SYT2: variants seen among roughly 807,000 people sequenced by gnomAD.
The protein encoded by SYT2 is synaptotagmin-2.
SYT2 carries 15 observed loss-of-function variants against 39.9 expected under a neutral mutation model. The observed-to-expected ratio is 0.38, with a 90% CI of 0.25 to 0.58. SYT2 has a LOEUF of 0.58. Among genes scored for constraint, SYT2 ranks in the 20% least tolerant of loss-of-function variants. SYT2 has a pLI of 0.70. For synonymous variants in SYT2, 181 were observed against 204.5 expected (o/e 0.89, Z 0.98); for missense variants, 389 against 530.3 (o/e 0.73, Z 2.62).
chr1:202,688,219 G>C (rs1653721924), intron 1 of SYT2, among the ~76,000 whole-genome samples: 1 of 152,204 alleles, frequency 6.6e-6, no homozygotes, highest in African/African-American at 2.4e-5. Context: ...CTGAGTCTCA[G>C]CTTCCTCATC....
intron 1 of SYT2, chr1:202,639,955 T>A: frequency 2.5e-6 from 1 of 405,676 alleles, no homozygotes; most frequent in Non-Finnish European, 3.3e-6. Flanking sequence ...TGTGCATTAG[T>A]CAATAACACA....
intron 1 of SYT2, among the ~76,000 whole-genome samples, chr1:202,642,894 C>T (rs1468566291): frequency 6.6e-6 from 1 of 152,262 alleles, no homozygotes; most frequent in Non-Finnish European, 1.5e-5. Flanking sequence ...GCCTTCGCTT[C>T]ACCGCAGGTC....
intron 1 of SYT2, among the ~76,000 whole-genome samples, chr1:202,640,293 A>G (rs7542658): frequency 0.41 from 58,079 of 140,274 alleles, 13,007 homozygotes; most frequent in African/African-American, 0.64. Flanking sequence ...CAGCAGGGTC[A>G]CGGACCAACA....
chr1:202,687,458 C>T (rs1653698114), intron 1 of SYT2, among the ~76,000 whole-genome samples: 1 of 152,076 alleles, frequency 6.6e-6, no homozygotes, highest in African/African-American at 2.4e-5. Context: ...TCTCTTCCTC[C>T]CCGCAGAACC....
Position 202,596,796 on chromosome 1 carries a change from A to C in SYT2, c.1221T>G (p.Pro407=). The stretch of plus-strand genomic sequence containing the variant: ...CCAGGAGTGCATCCACCTCCTCCTC[A>C]GGCTTGAGCGAGTGCCACTGGGCGA... ...RPIAQWHSLK[P]EEEVDALLGK... is the part of the protein sequence containing the mutation. Residue 407 remains proline, a synonymous_variant, in exon 9 of 9, where the codon CCT becomes CCG. Coordinates refer to ENST00000367268, the MANE Select transcript of SYT2 (RefSeq NM_177402.5). The C allele has an allele frequency of 6.2e-7, 1 of 1,614,132 alleles. No individual in the cohort carries two copies. Among genetic ancestry groups the C allele is most frequent in the South Asian group, 1.1e-5 (1 of 91,080 alleles).
At chr1:202,648,241 T>G (rs979758632) in intron 1 of SYT2, among the ~76,000 whole-genome samples, 2 of 152,208 alleles carry the variant, frequency 1.3e-5, no homozygotes, top group African/African-American at 2.4e-5. Flanking sequence ...AGTGCAGAGG[T>G]GTGATCTCGG....
intron 1 of SYT2, among the ~76,000 whole-genome samples, chr1:202,709,694 C>T (rs1163627479): frequency 6.6e-6 from 1 of 152,130 alleles, no homozygotes; most frequent in Non-Finnish European, 1.5e-5. Flanking sequence ...TCCTCGTGCC[C>T]GTTGCTTCCA....
At chr1:202,645,421 C>G (rs1423554426) in intron 1 of SYT2, among the ~76,000 whole-genome samples, 1 of 152,198 alleles carries the variant, frequency 6.6e-6, no homozygotes, top group Non-Finnish European at 1.5e-5. Context: ...AAATTTCATT[C>G]AGCAGGCTGG....
chr1:202,615,756 A>T (rs1310847617), intron 1 of SYT2, among the ~76,000 whole-genome samples: 1 of 152,018 alleles, frequency 6.6e-6, no homozygotes, highest in Admixed American at 6.5e-5. Context: ...CCCATCCCAC[A>T]GTCTTGGCAC....
At chr1:202,658,687 T>C (rs1692324399) in intron 1 of SYT2, among the ~76,000 whole-genome samples, 1 of 151,738 alleles carries the variant, frequency 6.6e-6, no homozygotes, top group African/African-American at 2.4e-5. Context: ...TTTTTTTTTT[T>C]TCCTAAAAGT....
chr1:202,710,025 G>A (rs1558469785), intron 1 of SYT2, among the ~76,000 whole-genome samples: 1 of 151,866 alleles, frequency 6.6e-6, no homozygotes. Context: ...TCCCTCAGAG[G>A]AGCCGGCTCC....
At chr1:202,679,296 C>T (rs1251411421) in intron 1 of SYT2, among the ~76,000 whole-genome samples, 1 of 152,174 alleles carries the variant, frequency 6.6e-6, no homozygotes, top group Non-Finnish European at 1.5e-5. Flanking sequence ...CTTGGGCCTC[C>T]CCTGAACACC....
intron 1 of SYT2, among the ~76,000 whole-genome samples, chr1:202,622,879 C>T (rs1356157603): frequency 6.6e-6 from 1 of 152,220 alleles, no homozygotes. Flanking sequence ...GGGACTCTTA[C>T]AGACAACGCA....
At chr1:202,675,544 A>G (rs1042356037) in intron 1 of SYT2, among the ~76,000 whole-genome samples, 2 of 152,168 alleles carry the variant, frequency 1.3e-5, no homozygotes, top group African/African-American at 4.8e-5. Context: ...TCAGGGACTC[A>G]GGGAAAGGCT....
In SYT2 at chr1:202,608,789, A is replaced by C. The variant is rs1232003687; in HGVS notation, c.-17-3000T>G. On this transcript the variant is annotated intron_variant, in intron 1 of 8. Coordinates refer to ENST00000367268, the MANE Select transcript of SYT2 (RefSeq NM_177402.5). ...ATAGGTATGGAATTGCTGGGTCATA[A>C]CTATGTTTGACATTTTAAGGTGCCA... Among the ~76,000 whole-genome samples the C allele has an allele frequency of 5.3e-4, 80 of 152,208 alleles. 1 individual carries two copies. The highest frequency in any genetic ancestry group is 1.7e-3 in the Admixed American group (26 of 15,288).
intron 1 of SYT2, among the ~76,000 whole-genome samples, chr1:202,644,912 C>T (rs1183027179): frequency 6.6e-6 from 1 of 152,208 alleles, no homozygotes; most frequent in Non-Finnish European, 1.5e-5. Flanking sequence ...ACCCGCTGCT[C>T]CTGGCCGGGC....
chr1:202,672,773 G>GA (rs1692617341), intron 1 of SYT2, among the ~76,000 whole-genome samples: 1 of 85,630 alleles, frequency 1.2e-5, no homozygotes, highest in Non-Finnish European at 2.4e-5. Flanking sequence ...GAGAGAGGGA[G>GA]GGAGGGAGAG....
rs368037814 is a variant in SYT2, at chr1:202,642,355, C to T, written c.-17-36566G>A. ...AGGCGTGCCCATGAGCTTGTCCCCC[C>T]GCGCGCCCTCCCCCACCTCGTCCCC... On this transcript the variant is annotated intron_variant, in intron 1 of 8. Transcript: ENST00000367268. Among the ~76,000 whole-genome samples the T allele has an allele frequency of 1.6e-4, 24 of 152,288 alleles. No homozygotes were observed. The East Asian group carries it at 3.7e-3, about 23-fold the overall frequency.
chr1:202,602,450 C>T lies in SYT2; in HGVS notation c.561G>A (p.Lys187=), dbSNP rs1690540290. Residue 187 remains lysine, a synonymous_variant, in exon 5 of 9, where the codon AAG becomes AAA. Coordinates refer to ENST00000367268, the MANE Select transcript of SYT2 (RefSeq NM_177402.5). The part of the protein sequence containing the change: ...PYVKVFLLPD[K]KKKYETKVHR... ...GGACTTTGGTCTCATATTTCTTCTT[C>T]TTGTCAGGAAGGAGGAAGACCTTGA... The T allele has an allele frequency of 6.2e-7, 1 of 1,614,066 alleles. No individual in the cohort carries two copies. Among genetic ancestry groups the T allele is most frequent in the Non-Finnish European group, 8.5e-7 (1 of 1,180,026 alleles).
Sources: gnomAD v4.1 joint callset for allele counts (sites outside exome capture counted in the v4.1 genomes callset) on GRCh38, gnomAD v4.1.1 for gene constraint, MANE v1.5 for transcripts, NCBI Gene and HGNC (gene_info 2026-07-23, HGNC 2026-07-21) for gene names.